The following MSL3 variants were observed in gnomAD, a reference collection of about 807,000 sequenced individuals.
MSL3 encodes the protein MSL complex subunit 3.
In MSL3, 5 loss-of-function variants were observed where a neutral mutation model predicts 37.2. The observed-to-expected ratio is 0.13, with a 90% CI of 0.07 to 0.28. The LOEUF is 0.28. Ranked by LOEUF, MSL3 falls within the 10% of genes least tolerant of loss-of-function variation. The pLI is 1.00. For synonymous variants in MSL3, 149 were observed against 147.6 expected, an observed-to-expected ratio of 1.01 and a Z score of -0.07; for missense variants, 315 against 408.5, an observed-to-expected ratio of 0.77 and a Z score of 1.97.
At chrX:11,764,463 CA>C (rs1418957856) in intron 8 of MSL3, among the ~76,000 whole-genome samples, 1 of 111,035 alleles carries the variant, frequency 9.0e-6, no homozygotes, top group Non-Finnish European at 1.9e-5. Flanking sequence ...TTTCCTCCCT[CA>C]GTTACCGAGC....
At chrX:11,760,132 T>C in intron 2 of MSL3, 1 of 385,355 alleles carries the variant, frequency 2.6e-6, no homozygotes, top group Non-Finnish European at 4.4e-6. Flanking sequence ...TTCCTGTTTT[T>C]ACTTTGTTAC....
intron 9 of MSL3, chrX:11,765,944 G>T: frequency 9.6e-7 from 1 of 1,041,715 alleles, no homozygotes; most frequent in Non-Finnish European, 1.2e-6. Flanking sequence ...GCAGGACTGG[G>T]CTGTTTCCTC....
chrX:11,761,433 G>C, intron 4 of MSL3, 67 bp from the exon 5 acceptor site: 1 of 684,167 alleles, frequency 1.5e-6, no homozygotes, highest in Non-Finnish European at 2.2e-6. Context: ...TACACGTGAA[G>C]ATCTGTAGAC....
At chrX:11,769,206 C>G (rs2053211392) in intron 10 of MSL3, 1 of 113,635 alleles carries the variant, frequency 8.8e-6, no homozygotes, top group Admixed American at 9.3e-5. Context: ...TAGAAACAGG[C>G]AGTAGTTGGG....
chrX:11,760,100 C>T, intron 2 of MSL3: 1 of 403,074 alleles, frequency 2.5e-6, no homozygotes, highest in Non-Finnish European at 4.2e-6. Flanking sequence ...TTTAGAAACA[C>T]TTGTAGAGAA....
rs747467425 is a variant in MSL3 at position 11,772,692 on chromosome X, G to T, written c.1453G>T (p.Asp485Tyr). The T allele has an allele frequency of 3.7e-5, 43 of 1,168,817 alleles. No homozygotes were observed. Among genetic ancestry groups the T allele is most frequent in the Non-Finnish European group, 4.8e-5 (41 of 863,063 alleles). The change falls in exon 12 of 13, where the codon GAT becomes TAT. Residue 485 changes from aspartate to tyrosine, a missense_variant. Coordinates refer to ENST00000312196, the MANE Select transcript of MSL3 (RefSeq NM_078629.4). ...TCTGAAGGCTTTATTGAAGCACTTT[G>T]ATCTCTTTTTGAGGTATTTTTATTA... Reference protein sequence around the residue: ...KNLKALLKHFDLFLRFLAEYH... With the variant: ...KNLKALLKHFYLFLRFLAEYH...
chrX:11,768,819 A>G, intron 10 of MSL3, 137 bp downstream of exon 10: 1 of 465,958 alleles, frequency 2.1e-6, no homozygotes, highest in Non-Finnish European at 3.8e-6. Flanking sequence ...ACGTAATTTT[A>G]TGCTTAACAC....
intron 10 of MSL3, among the ~76,000 whole-genome samples, chrX:11,771,340 T>G (rs974064615): frequency 1.8e-5 from 2 of 112,109 alleles, no homozygotes; most frequent in South Asian, 3.7e-4. Context: ...CAACTCTCCC[T>G]TTAACAAAAG....
chrX:11,765,389 G>A (rs2053171184), intron 8 of MSL3, 78 bp from the exon 9 acceptor site: 3 of 1,103,504 alleles, frequency 2.7e-6, no homozygotes, highest in Non-Finnish European at 3.6e-6. Flanking sequence ...AGTAGAGAGA[G>A]CATTTCGTGT....
At chrX:11,772,087 A>G (rs2053237117) in intron 10 of MSL3, 69 bp from the exon 11 acceptor site, 1 of 739,224 alleles carries the variant, frequency 1.4e-6, no homozygotes, top group African/African-American at 2.1e-5. Flanking sequence ...ATTTACTGTC[A>G]TAATTGTTAG....
intron 12 of MSL3, among the ~76,000 whole-genome samples, chrX:11,772,912 A>G (rs2053243267): frequency 9.0e-6 from 1 of 111,511 alleles, no homozygotes; most frequent in African/African-American, 3.3e-5. Flanking sequence ...TTTCTGAGTT[A>G]GGGGCATTCA....
At chrX:11,774,283 GATTT>G (rs1229975311) in intron 12 of MSL3, among the ~76,000 whole-genome samples, 2 of 111,967 alleles carry the variant, frequency 1.8e-5, no homozygotes, top group Admixed American at 9.4e-5. Context: ...TCTGAAGTGA[GATTT>G]ATTGTTTATA....
chrX:11,758,581 C>A, intron 1 of MSL3: 2 of 1,116,165 alleles, frequency 1.8e-6, no homozygotes, highest in Non-Finnish European at 1.2e-6. Flanking sequence ...GGCCGGGCGG[C>A]GCACGCGCGG....
chrX:11,763,729 G>A (rs1286264931), intron 7 of MSL3, 51 bp from the exon 8 acceptor site: 2 of 1,097,140 alleles, frequency 1.8e-6, no homozygotes, highest in African/African-American at 1.9e-5. Context: ...GTGAACATTT[G>A]GAAAGTACCT....
At position 11,772,151 on chromosome X, in the gene MSL3, T is replaced by C. The variant is rs2053237842; in HGVS notation, c.1282-5T>C. ...ACAAAAGCATTCAATTCGTGCTTTT[T>C]CCAGGTCCTCTCCTGGAAGCTTGTG... is the stretch of plus-strand genomic sequence containing the variant. On this transcript the variant is annotated splice_polypyrimidine_tract_variant and splice_region_variant and intron_variant, in intron 10 of 12. Transcript: ENST00000312196. 2.5e-6 allele frequency: 3 copies of C among 1,196,436 alleles called. No homozygotes were observed. Among genetic ancestry groups the C allele is most frequent in the Non-Finnish European group, 3.4e-6 (3 of 883,053 alleles).
At chrX:11,767,897 T>G in intron 9 of MSL3, 1 of 754,641 alleles carries the variant, frequency 1.3e-6, no homozygotes. Context: ...GATTGAAGAT[T>G]GAAAAGGGTC....
intron 1 of MSL3, among the ~76,000 whole-genome samples, chrX:11,759,094 G>A (rs1448465505): frequency 8.9e-6 from 1 of 111,809 alleles, no homozygotes; most frequent in African/African-American, 3.3e-5. Context: ...AGATCCCCAA[G>A]GAAAGCACCC....
chrX:11,758,721 T>C, intron 1 of MSL3: 1 of 1,167,047 alleles, frequency 8.6e-7, no homozygotes, highest in Non-Finnish European at 1.1e-6. Context: ...TCTCCTTCTG[T>C]GCGGCCTGGT....
chrX:11,763,709 C>T, intron 7 of MSL3, 71 bp from the exon 8 acceptor site: 1 of 977,886 alleles, frequency 1.0e-6, no homozygotes, highest in Non-Finnish European at 1.4e-6. Flanking sequence ...TAAAAATCGG[C>T]AACTTCATTG....
Sources: allele counts gnomAD v4.1 joint callset (sites outside exome capture counted in the v4.1 genomes callset), GRCh38; gene constraint gnomAD v4.1.1; transcripts MANE v1.5; gene names NCBI Gene and HGNC (gene_info 2026-07-23, HGNC 2026-07-21).